The following ZNF487 variants were observed in gnomAD, a reference collection of about 807,000 sequenced individuals.
ZNF487 encodes the protein zinc finger protein 487.
A neutral mutation model predicts 3.0 loss-of-function variants in ZNF487; 4 were observed. The ratio of observed to expected loss-of-function variants is 1.35; its 90% CI spans 0.66 to 3.08. The LOEUF is 3.08. Ranked by LOEUF, ZNF487 falls within the 30% of genes most tolerant of loss-of-function variation. The pLI is 0.01. For missense variants in ZNF487, 146 were observed against 98.7 expected, an observed-to-expected ratio of 1.48 and a Z score of -2.03; for synonymous variants, 55 against 34.6, an observed-to-expected ratio of 1.59 and a Z score of -2.06.
chr10:43,477,532 C>A (rs1841146313), intron 3 of ZNF487, among the ~76,000 whole-genome samples: 1 of 151,132 alleles, frequency 6.6e-6, no homozygotes, highest in Non-Finnish European at 1.5e-5. Context: ...AATAATGTTG[C>A]ATTAAATATA....
At chr10:43,466,888 G>T (rs186650594) in intron 1 of ZNF487, among the ~76,000 whole-genome samples, 1 of 151,048 alleles carries the variant, frequency 6.6e-6, no homozygotes, top group East Asian at 1.9e-4. Flanking sequence ...TTTTTTTTTT[G>T]AGACAGTTTA....
chr10:43,486,279 C>G (rs1841470699), downstream of ZNF487, among the ~76,000 whole-genome samples: 1 of 152,094 alleles, frequency 6.6e-6, no homozygotes, highest in Admixed American at 6.6e-5. Flanking sequence ...AATCCCAGCA[C>G]TTTGGGAGGC....
At chr10:43,447,194 G>T (rs922588032) in intron 1 of ZNF487, among the ~76,000 whole-genome samples, 26 of 152,208 alleles carry the variant, frequency 1.7e-4, no homozygotes, top group Admixed American at 1.3e-3. Flanking sequence ...GAGGGAGAGG[G>T]GGAGACCGTG....
intron 1 of ZNF487, among the ~76,000 whole-genome samples, chr10:43,449,678 ATTT>A (rs769387408): frequency 7.6e-6 from 1 of 131,040 alleles, no homozygotes; most frequent in African/African-American, 2.8e-5. Flanking sequence ...GTATTGAAGC[ATTT>A]TTTTTTTTTT....
chr10:43,446,301 G>A (rs968357705), intron 1 of ZNF487, among the ~76,000 whole-genome samples: 4 of 151,446 alleles, frequency 2.6e-5, no homozygotes, highest in Non-Finnish European at 5.9e-5. Flanking sequence ...CTGCTGGGCG[G>A]GGGCGCCCCC....
At chr10:43,491,878 T>C in the ZNF487 span, among the ~76,000 whole-genome samples, 68 of 151,958 alleles carry the variant, frequency 4.5e-4, 3 homozygotes, top group African/African-American at 1.4e-3. Flanking sequence ...GTAGGACTTA[T>C]TGAGCAAGAG....
the ZNF487 span, among the ~76,000 whole-genome samples, chr10:43,517,658 C>T: frequency 6.6e-6 from 1 of 152,150 alleles, no homozygotes. Context: ...GAGCTTGTGA[C>T]CCTCCATACC....
In ZNF487 at chr10:43,482,799, C is replaced by T; in HGVS notation, c.*877C>T. ...CTCTGTGAAGTCAAAACTTAGAGAA[C>T]ATCAGAGAATTCACACAGGGGAGAA... is the stretch of plus-strand genomic sequence containing the variant. On this transcript the variant is annotated 3_prime_UTR_variant, in exon 4 of 4. Transcript: ENST00000437590. 1 of 507,896 alleles carries T rather than the reference C, an allele frequency of 2.0e-6. No individual in the cohort carries two copies. The highest frequency in any genetic ancestry group is 4.0e-6 in the Non-Finnish European group (1 of 248,194). The allele number at this position is 507,896 out of a possible 1,614,324, so 31.5% of individuals were successfully genotyped here.
the ZNF487 span, among the ~76,000 whole-genome samples, chr10:43,518,736 A>G: frequency 1.3e-5 from 2 of 152,198 alleles, no homozygotes; most frequent in Admixed American, 6.6e-5. Flanking sequence ...TGCATCTTCA[A>G]AAACTACCCT....
At chr10:43,449,890 G>GACT in intron 1 of ZNF487, among the ~76,000 whole-genome samples, 6 of 152,070 alleles carry the variant, frequency 3.9e-5, no homozygotes. Context: ...ATGTTGGCCA[G>GACT]GCTGGTCTCG....
chr10:43,459,768 T>TTTA (rs71016770), intron 1 of ZNF487, among the ~76,000 whole-genome samples: 31,241 of 137,976 alleles, frequency 0.23, 3,995 homozygotes, highest in Middle Eastern at 0.31. Context: ...AGGCTGTGAG[T>TTTA]TTATTATTAT....
intron 2 of ZNF487, 97 bp downstream of exon 2, chr10:43,475,944 T>G (rs1841084384): frequency 1.5e-6 from 1 of 653,444 alleles, no homozygotes; most frequent in Non-Finnish European, 2.8e-6. Flanking sequence ...GTTAAAGGCT[T>G]GAGACTCAGG....
the ZNF487 span, among the ~76,000 whole-genome samples, chr10:43,502,385 G>C: frequency 6.6e-6 from 1 of 152,108 alleles, no homozygotes; most frequent in Non-Finnish European, 1.5e-5. Flanking sequence ...CCTGTCGTGG[G>C]GTGGGGGGGG....
the ZNF487 span, among the ~76,000 whole-genome samples, chr10:43,519,469 GT>G: frequency 2.2e-3 from 307 of 140,202 alleles, no homozygotes; most frequent in Middle Eastern, 0.019. Flanking sequence ...TAAAATGTAA[GT>G]TTTTTTTTTT....
At chr10:43,489,393 G>T in the ZNF487 span, among the ~76,000 whole-genome samples, 4 of 151,966 alleles carry the variant, frequency 2.6e-5, no homozygotes, top group Non-Finnish European at 5.9e-5. Flanking sequence ...TCGCTCTGTC[G>T]CCCTGGCTGG....
chr10:43,444,150 G>A (rs1839720581), intron 1 of ZNF487, among the ~76,000 whole-genome samples: 1 of 152,128 alleles, frequency 6.6e-6, no homozygotes, highest in African/African-American at 2.4e-5. Context: ...ACCGCGCCCG[G>A]CTCCTAAAAG....
chr10:43,483,684 T>C (rs901568751), downstream of ZNF487, among the ~76,000 whole-genome samples: 20 of 152,126 alleles, frequency 1.3e-4, no homozygotes, highest in East Asian at 5.8e-4. Context: ...TGTGTCACCA[T>C]GCTCAGCTAA....
At chr10:43,454,242 G>A (rs1048061466) in intron 1 of ZNF487, 2 of 152,128 alleles carry the variant, frequency 1.3e-5, no homozygotes, top group Non-Finnish European at 2.9e-5. Context: ...AGTAGAGATA[G>A]GGTTTCACCA....
the ZNF487 span, among the ~76,000 whole-genome samples, chr10:43,515,897 C>G: frequency 6.6e-6 from 1 of 152,100 alleles, no homozygotes; most frequent in Non-Finnish European, 1.5e-5. Context: ...GCCTCAGCCT[C>G]TTGAGTAGCT....
Sources: allele counts gnomAD v4.1 joint callset (sites outside exome capture counted in the v4.1 genomes callset), GRCh38; gene constraint gnomAD v4.1.1; transcripts MANE v1.5; gene names NCBI Gene and HGNC (gene_info 2026-07-23, HGNC 2026-07-21).